The following MAPRE1 variants were observed in gnomAD, a reference collection of about 807,000 sequenced individuals.
The protein encoded by MAPRE1 is microtubule-associated protein RP/EB family member 1.
Under a neutral mutation model 32.1 loss-of-function variants are expected in MAPRE1, and 5 were observed. The observed-to-expected ratio is 0.16, with a 90% CI of 0.08 to 0.33. The LOEUF (loss-of-function observed/expected upper bound fraction) is 0.33. Ranked by LOEUF, MAPRE1 falls within the 10% of genes least tolerant of loss-of-function variation. The pLI is 1.00. For synonymous variants in MAPRE1, 122 were observed against 118.9 expected (o/e 1.03, Z -0.17); for missense variants, 209 against 327.2 (o/e 0.64, Z 2.79).
intron 5 of MAPRE1, among the ~76,000 whole-genome samples, chr20:32,842,243 G>A (rs775956666): frequency 3.3e-5 from 5 of 152,046 alleles, no homozygotes; most frequent in African/African-American, 7.2e-5. Flanking sequence ...CCGCCACCAC[G>A]CCTGGCTAAG....
At chr20:32,827,992 G>A (rs941648472) in intron 2 of MAPRE1, among the ~76,000 whole-genome samples, 1 of 150,112 alleles carries the variant, frequency 6.7e-6, no homozygotes, top group African/African-American at 2.5e-5. Flanking sequence ...CTGGGTCCTA[G>A]TCTCGGTCTT....
At chr20:32,844,438 C>CTTTTTT (rs1461573971) in intron 5 of MAPRE1, among the ~76,000 whole-genome samples, 1 of 49,670 alleles carries the variant, frequency 2.0e-5, no homozygotes, top group African/African-American at 6.2e-5. Context: ...AGCTAGCATT[C>CTTTTTT]CTTTTTTTTT....
At chr20:32,826,234 T>C (rs1982842881) in intron 2 of MAPRE1, among the ~76,000 whole-genome samples, 186 bp downstream of exon 2, 2 of 140,412 alleles carry the variant, frequency 1.4e-5, no homozygotes, top group Non-Finnish European at 3.1e-5. Flanking sequence ...TTTTTTTTTT[T>C]TTGACAGAGT....
At chr20:32,832,504 T>TC (rs1384838797) in intron 2 of MAPRE1, among the ~76,000 whole-genome samples, 5 of 149,164 alleles carry the variant, frequency 3.4e-5, no homozygotes, top group Non-Finnish European at 7.4e-5. Context: ...TCTCTCTCTG[T>TC]CCCCCAGGCT....
chr20:32,832,955 T>A (rs1273235532), intron 2 of MAPRE1, among the ~76,000 whole-genome samples: 24 of 147,766 alleles, frequency 1.6e-4, no homozygotes, highest in South Asian at 8.5e-4. Flanking sequence ...AAAAAATAAA[T>A]AAATAAAAAA....
intron 5 of MAPRE1, among the ~76,000 whole-genome samples, 170 bp downstream of exon 5, chr20:32,840,026 A>G (rs1206055555): frequency 6.6e-6 from 1 of 152,172 alleles, no homozygotes; most frequent in Admixed American, 6.5e-5. Context: ...GTGGAGATGT[A>G]AGAGAGAGAT....
At chr20:32,844,572 G>A (rs937199606) in intron 5 of MAPRE1, among the ~76,000 whole-genome samples, 2 of 142,544 alleles carry the variant, frequency 1.4e-5, no homozygotes, top group Non-Finnish European at 3.0e-5. Flanking sequence ...ACACCACCAT[G>A]CCCAGCTAAT....
intron 2 of MAPRE1, among the ~76,000 whole-genome samples, chr20:32,827,144 G>A (rs2146123175): frequency 1.3e-5 from 2 of 152,154 alleles, no homozygotes; most frequent in African/African-American, 4.8e-5. Context: ...GGTGGCTCAC[G>A]CCTATAATCC....
At chr20:32,830,290 A>G (rs1982980352) in intron 2 of MAPRE1, among the ~76,000 whole-genome samples, 1 of 152,128 alleles carries the variant, frequency 6.6e-6, no homozygotes, top group Admixed American at 6.6e-5. Flanking sequence ...TGCACTGCTA[A>G]TGACATGGTC....
intron 6 of MAPRE1, among the ~76,000 whole-genome samples, chr20:32,848,059 T>G (rs940261377): frequency 6.6e-5 from 10 of 152,242 alleles, no homozygotes; most frequent in African/African-American, 2.2e-4. Context: ...TTTTTTTTTT[T>G]TAGTGACGGG....
intron 2 of MAPRE1, among the ~76,000 whole-genome samples, chr20:32,833,086 C>T (rs1983085306): frequency 6.6e-6 from 1 of 151,838 alleles, no homozygotes; most frequent in Non-Finnish European, 1.5e-5. Flanking sequence ...GCCTATAGTC[C>T]CGCTACTCCA....
At chr20:32,825,461 C>T (rs542956145) in intron 1 of MAPRE1, among the ~76,000 whole-genome samples, 115 of 152,150 alleles carry the variant, frequency 7.6e-4, no homozygotes, top group Non-Finnish European at 1.2e-3. Flanking sequence ...CTTAGTGTCT[C>T]TCGTTTGGCC....
intron 2 of MAPRE1, among the ~76,000 whole-genome samples, chr20:32,830,626 C>G (rs1568877825): frequency 6.6e-6 from 1 of 151,444 alleles, no homozygotes; most frequent in Non-Finnish European, 1.5e-5. Flanking sequence ...ACTAAGTTCC[C>G]TCTAAGTTCC....
chr20:32,826,134 C>A, intron 2 of MAPRE1, 86 bp downstream of exon 2: 1 of 1,324,552 alleles, frequency 7.5e-7, no homozygotes, highest in Non-Finnish European at 1.0e-6. Context: ...TGCAAAGCCA[C>A]ACACAGAGGT....
intron 5 of MAPRE1, among the ~76,000 whole-genome samples, chr20:32,840,209 C>T (rs1006919015): frequency 2.6e-5 from 4 of 152,188 alleles, no homozygotes; most frequent in Admixed American, 2.0e-4. Flanking sequence ...TCCGCAGTCT[C>T]TCTGCTGAGT....
intron 2 of MAPRE1, 58 bp from the exon 3 acceptor site, chr20:32,833,658 TG>T: frequency 6.6e-7 from 1 of 1,516,092 alleles, no homozygotes; most frequent in Non-Finnish European, 9.0e-7. Context: ...TAAGTGGGTC[TG>T]GGAAGAAGTT....
intron 3 of MAPRE1, 63 bp from the exon 4 acceptor site, chr20:32,836,571 G>A: frequency 1.1e-6 from 1 of 883,574 alleles, no homozygotes; most frequent in South Asian, 1.5e-5. Context: ...ATTGATGCAT[G>A]GACTAGTTTG....
intron 1 of MAPRE1, among the ~76,000 whole-genome samples, chr20:32,824,024 C>T (rs902477689): frequency 6.6e-6 from 1 of 152,234 alleles, no homozygotes; most frequent in African/African-American, 2.4e-5. Flanking sequence ...GCTTCTTTCT[C>T]TGATCCTTAA....
intron 2 of MAPRE1, among the ~76,000 whole-genome samples, chr20:32,831,986 CT>C (rs1431551272): frequency 1.3e-5 from 2 of 149,804 alleles, no homozygotes; most frequent in Non-Finnish European, 3.0e-5. Context: ...CCTCAGTGTA[CT>C]TTTGTTGGAT....
Sources: allele counts gnomAD v4.1 joint callset (sites outside exome capture counted in the v4.1 genomes callset), GRCh38; gene constraint gnomAD v4.1.1; transcripts MANE v1.5; gene names NCBI Gene and HGNC (gene_info 2026-07-23, HGNC 2026-07-21).